The following FGD3 variants were observed in gnomAD, a reference collection of about 807,000 sequenced individuals.
FGD3 encodes the protein FYVE, RhoGEF and PH domain containing 3.
In FGD3, 45 loss-of-function variants were observed where a neutral mutation model predicts 71.8. The observed-to-expected ratio is 0.63, with a 90% CI of 0.49 to 0.80. The LOEUF (loss-of-function observed/expected upper bound fraction) is 0.80. Ranked by LOEUF, FGD3 falls within the 30% of genes least tolerant of loss-of-function variation. The pLI is 0.00. For missense variants in FGD3, 844 were observed against 951.5 expected, an observed-to-expected ratio of 0.89 and a Z score of 1.49; for synonymous variants, 378 against 392.8, an observed-to-expected ratio of 0.96 and a Z score of 0.44.
intron 1 of FGD3, among the ~76,000 whole-genome samples, chr9:92,949,790 C>T (rs930736971): frequency 3.3e-5 from 5 of 152,128 alleles, no homozygotes; most frequent in African/African-American, 7.2e-5. Flanking sequence ...CACCCCTGTT[C>T]GAGTGTGCCA....
At position 93,016,214 on chromosome 9, in the gene FGD3, G is replaced by A. The variant is rs898296105; in HGVS notation, c.1275+385G>A. On this transcript the variant is annotated intron_variant, in intron 10 of 17. Coordinates refer to ENST00000375482, the MANE Select transcript of FGD3 (RefSeq NM_001083536.2). ...CCCAGGGTTGCAGGGAGCAATCCTG[G>A]CTGGGGCGGGGGCCGGCTTCCCTTG... Among the ~76,000 whole-genome samples, 3 of 152,112 alleles carry A rather than the reference G, an allele frequency of 2.0e-5. No individual in the cohort carries two copies. The East Asian group carries it at 5.8e-4, about 29-fold the overall frequency.
At chr9:92,968,062 A>C (rs537766321) in intron 1 of FGD3, among the ~76,000 whole-genome samples, 1 of 152,256 alleles carries the variant, frequency 6.6e-6, no homozygotes, top group African/African-American at 2.4e-5. Context: ...AACATTCTTG[A>C]CTAGATGGAC....
intron 3 of FGD3, among the ~76,000 whole-genome samples, chr9:92,984,492 G>A (rs1231470678): frequency 1.3e-5 from 2 of 152,216 alleles, no homozygotes; most frequent in Non-Finnish European, 2.9e-5. Flanking sequence ...TACTGTAGAA[G>A]TTATCCCCCC....
At position 92,976,613 on chromosome 9, in the gene FGD3, G is replaced by A. The variant is rs767769307; in HGVS notation, c.357G>A (p.Lys119=). 1 of 1,612,866 alleles carries A rather than the reference G, an allele frequency of 6.2e-7. No homozygotes were observed. Among genetic ancestry groups the A allele is most frequent in the African/African-American group, 1.3e-5 (1 of 75,030 alleles). ...TGGCCCTGGACAGCCAGGTCCCGAA[G>A]GTCACCCCCCAGGAGGAGGCGGACA... ...AEMALDSQVP[K]VTPQEEADSD... The change falls in exon 3 of 18, where the codon AAG becomes AAA. Residue 119 remains lysine, a synonymous_variant. Transcript: ENST00000375482.
chr9:92,967,464 C>T (rs181612447), intron 1 of FGD3, among the ~76,000 whole-genome samples: 273 of 152,326 alleles, frequency 1.8e-3, no homozygotes, highest in African/African-American at 6.1e-3. Flanking sequence ...CCTCTAGGAC[C>T]TAACGTAGGT....
chr9:93,022,889 T>G (rs1225233288), intron 14 of FGD3, among the ~76,000 whole-genome samples: 1 of 152,176 alleles, frequency 6.6e-6, no homozygotes. Flanking sequence ...TGTTCTCGTG[T>G]GCCTTATGGC....
intron 3 of FGD3, among the ~76,000 whole-genome samples, chr9:92,989,425 C>G (rs1167830733): frequency 6.6e-6 from 1 of 152,232 alleles, no homozygotes; most frequent in East Asian, 1.9e-4. Flanking sequence ...CGCACCTGGC[C>G]TCATCAGTGT....
At chr9:92,964,940 A>C (rs1859259353) in intron 1 of FGD3, among the ~76,000 whole-genome samples, 1 of 152,204 alleles carries the variant, frequency 6.6e-6, no homozygotes, top group South Asian at 2.1e-4. Flanking sequence ...TGCACTCTGC[A>C]GGTTAGATAT....
chr9:92,964,222 G>A (rs553686559), intron 1 of FGD3: 1 of 152,268 alleles, frequency 6.6e-6, no homozygotes, highest in Non-Finnish European at 1.5e-5. Flanking sequence ...CTCACCCAGC[G>A]TAATGATGCG....
At position 92,947,638 on chromosome 9, in the gene FGD3, C is replaced by G. The variant is rs976547737; in HGVS notation, c.-309C>G. On this transcript the variant is annotated 5_prime_UTR_variant, in exon 1 of 18. Coordinates refer to ENST00000375482, the MANE Select transcript of FGD3 (RefSeq NM_001083536.2). ...CCCCGGGGCTCCTCTGGAAGCGGCT[C>G]CGGCAAGTATCGAGTTTGCCTGTGC... 3 of 152,306 alleles carry G rather than the reference C, an allele frequency of 2.0e-5. No individual in the cohort carries two copies. The highest frequency in any genetic ancestry group is 7.2e-5 in the African/African-American group (3 of 41,462). 9.4% of individuals were successfully genotyped at this position (152,306 alleles called of 1,614,324 possible). A position where few individuals can be genotyped will look rare whatever the true frequency, so the allele number is the denominator to read the frequency against.
At chr9:92,992,426 G>T (rs1276325321) in intron 3 of FGD3, among the ~76,000 whole-genome samples, 3 of 152,222 alleles carry the variant, frequency 2.0e-5, no homozygotes, top group African/African-American at 7.2e-5. Context: ...TAGTGGTGAT[G>T]AATTCCCTTA....
intron 1 of FGD3, among the ~76,000 whole-genome samples, chr9:92,966,977 G>T (rs946902741): frequency 8.7e-5 from 13 of 148,922 alleles, no homozygotes; most frequent in South Asian, 4.2e-4. Flanking sequence ...TTTTTTTTGG[G>T]GGGGGATGGA....
chr9:93,011,384 A>G (rs1239235079), intron 8 of FGD3, 112 bp downstream of exon 8: 9 of 1,271,846 alleles, frequency 7.1e-6, no homozygotes, highest in Non-Finnish European at 1.0e-5. Flanking sequence ...TCCACAAGTG[A>G]CTCTTTTATA....
At chr9:92,974,834 A>G in intron 1 of FGD3, 1 of 152,376 alleles carries the variant, frequency 6.6e-6, no homozygotes, top group Non-Finnish European at 1.5e-5. Context: ...TGCCTGGGGG[A>G]GGGTGTGAGG....
At chr9:93,012,619 T>C (rs1587855022) in intron 8 of FGD3, among the ~76,000 whole-genome samples, 1 of 141,340 alleles carries the variant, frequency 7.1e-6, no homozygotes, top group Admixed American at 7.4e-5. Flanking sequence ...ACCCTGTCTC[T>C]ACTAAAAATA....
intron 1 of FGD3, among the ~76,000 whole-genome samples, chr9:92,954,601 C>T (rs1163451835): frequency 2.0e-5 from 3 of 152,180 alleles, no homozygotes; most frequent in African/African-American, 4.8e-5. Flanking sequence ...GCCAGAGCTG[C>T]TCCTTCCTCA....
intron 10 of FGD3, among the ~76,000 whole-genome samples, chr9:93,016,379 C>G (rs1861692323): frequency 7.1e-6 from 1 of 140,548 alleles, no homozygotes; most frequent in Non-Finnish European, 1.5e-5. Flanking sequence ...TCGCTGTCAC[C>G]CAGGCTGGAG....
intron 1 of FGD3, among the ~76,000 whole-genome samples, chr9:92,965,468 A>C (rs765325223): frequency 9.2e-5 from 14 of 152,304 alleles, no homozygotes; most frequent in Non-Finnish European, 1.5e-4. Context: ...CTGGGTGTGA[A>C]AGGGAGGAAG....
At chr9:92,949,455 T>A (rs1482463161) in intron 1 of FGD3, among the ~76,000 whole-genome samples, 3 of 152,172 alleles carry the variant, frequency 2.0e-5, no homozygotes, top group African/African-American at 7.2e-5. Context: ...TGTGGGCCCA[T>A]TTCCTCATCA....
Sources: gnomAD v4.1 joint callset for allele counts (sites outside exome capture counted in the v4.1 genomes callset) on GRCh38, gnomAD v4.1.1 for gene constraint, MANE v1.5 for transcripts, NCBI Gene and HGNC (gene_info 2026-07-23, HGNC 2026-07-21) for gene names.